The following KANSL1 variants were observed in gnomAD, a reference collection of about 807,000 sequenced individuals.
KANSL1 encodes MLL1/MLL complex subunit KANSL1.
A neutral mutation model predicts 103.6 loss-of-function variants in KANSL1; 22 were observed. That is an observed-to-expected ratio of 0.21 (90% CI 0.15 to 0.30). The LOEUF (loss-of-function observed/expected upper bound fraction) is 0.30, where lower values mean the gene tolerates loss of function less well. Among genes scored for constraint, KANSL1 ranks in the 10% least tolerant of loss-of-function variants. The probability of loss-of-function intolerance (pLI) is 1.00; values close to 1 mark genes in which losing one functional copy is unlikely to be tolerated. For synonymous variants in KANSL1, 600 were observed against 527.6 expected, an observed-to-expected ratio of 1.14 and a Z score of -1.88; for missense variants, 1,337 against 1,399.8, an observed-to-expected ratio of 0.96 and a Z score of 0.72.
At chr17:46,051,498 T>C (rs769121152) in intron 6 of KANSL1, among the ~76,000 whole-genome samples, 4 of 152,204 alleles carry the variant, frequency 2.6e-5, no homozygotes, top group Non-Finnish European at 2.9e-5. Flanking sequence ...CTTCAAAAGA[T>C]TGAATTCTGT....
chr17:46,164,247 A>AG (rs2147654551), intron 2 of KANSL1, among the ~76,000 whole-genome samples: 1 of 152,392 alleles, frequency 6.6e-6, no homozygotes, highest in African/African-American at 2.4e-5. Flanking sequence ...CACTATAGCA[A>AG]CTATATCTAC....
At chr17:46,035,453 AC>A (rs2077120670) in intron 10 of KANSL1, 1 of 152,202 alleles carries the variant, frequency 6.6e-6, no homozygotes. Context: ...AGTTTCAGTC[AC>A]TGTCATTTAT....
intron 2 of KANSL1, among the ~76,000 whole-genome samples, chr17:46,110,568 T>A (rs886806672): frequency 2.6e-5 from 4 of 152,218 alleles, no homozygotes; most frequent in African/African-American, 9.6e-5. Flanking sequence ...TATACAAATT[T>A]ACAAGTATTA....
At chr17:46,170,103 C>CGTG (rs2046204348) in intron 2 of KANSL1, among the ~76,000 whole-genome samples, 1 of 142,266 alleles carries the variant, frequency 7.0e-6, no homozygotes, top group South Asian at 2.1e-4. Context: ...GATCGCACTA[C>CGTG]TGCACTCCTG....
intron 7 of KANSL1, among the ~76,000 whole-genome samples, chr17:46,047,901 C>A (rs1043962112): frequency 7.7e-5 from 11 of 143,152 alleles, no homozygotes; most frequent in African/African-American, 3.0e-4. Context: ...TACATCCCAT[C>A]CCTTCCCCAC....
chr17:46,141,542 C>T (rs1376437429), intron 2 of KANSL1, among the ~76,000 whole-genome samples: 1 of 152,234 alleles, frequency 6.6e-6, no homozygotes, highest in Admixed American at 6.5e-5. Context: ...TCAAAATATT[C>T]CACTGAGCTA....
At chr17:46,200,640 G>A (rs1427970019) in intron 1 of KANSL1, among the ~76,000 whole-genome samples, 1 of 152,156 alleles carries the variant, frequency 6.6e-6, no homozygotes, top group African/African-American at 2.4e-5. Flanking sequence ...TACTCGGGAG[G>A]CTGAGGCAGC....
intron 10 of KANSL1, among the ~76,000 whole-genome samples, chr17:46,036,915 T>C (rs1204338963): frequency 1.3e-5 from 2 of 152,196 alleles, no homozygotes; most frequent in African/African-American, 4.8e-5. Context: ...TTTCACCTTA[T>C]TGGCCAGGAT....
At position 46,067,638 on chromosome 17, in the gene KANSL1, G is replaced by C. The variant is rs886043787; in HGVS notation, c.1563C>G (p.Asn521Lys). 1.9e-6 allele frequency: 3 copies of C among 1,597,928 alleles called. No individual in the cohort carries two copies. The highest frequency in any genetic ancestry group is 1.1e-5 in the South Asian group (1 of 90,742). The change falls in exon 5 of 15, where the codon AAC (asparagine) becomes AAG (lysine). Residue 521 changes from asparagine to lysine, a missense_variant. Asn to Lys is a moderately conservative substitution (Grantham distance 94). Coordinates refer to ENST00000432791, the MANE Select transcript of KANSL1 (RefSeq NM_015443.4). ...TATGACCAATAATAGGGGCACCATG[G>C]TTTTCCAATGGCTGAGAAACAGACT... The part of the protein sequence containing the change: ...LIESVSQPLE[N>K]HGAPIIGHIS...
At chr17:46,196,478 TCAGA>T (rs1469841514), upstream of KANSL1, 1 of 455,514 alleles carries the variant, frequency 2.2e-6, no homozygotes, top group Non-Finnish European at 4.4e-6. Context: ...TCCCTCTTCC[TCAGA>T]CAGTGACACC....
rs373641135 is a variant in KANSL1 at position 46,148,590 on chromosome 17, C to CT, written c.1289+22264dup. 9.5e-3 allele frequency among the ~76,000 whole-genome samples: 1,382 copies of CT among 145,108 alleles called. 16 individuals are homozygous for CT. The highest frequency in any genetic ancestry group is 0.026 in the African/African-American group (1,045 of 39,548). ...CAAATCACCATCCTCCTTCACTTAC[C>CT]TTTTTTTTTTTTTGAGATGGGAGTC... On this transcript the variant is annotated intron_variant, in intron 2 of 14. Coordinates refer to ENST00000432791, the MANE Select transcript of KANSL1 (RefSeq NM_015443.4).
chr17:46,137,929 G>T (rs1295183064), intron 2 of KANSL1, among the ~76,000 whole-genome samples: 1 of 151,730 alleles, frequency 6.6e-6, no homozygotes, highest in East Asian at 1.9e-4. Context: ...GAAAAATTCA[G>T]ATGAAAAGGT....
chr17:46,076,239 A>C lies in KANSL1; in HGVS notation c.1533+6202T>G, dbSNP rs553507407. Among the ~76,000 whole-genome samples the C allele has an allele frequency of 2.6e-5, 4 of 152,370 alleles. No individual in the cohort carries two copies. In the South Asian group the frequency reaches 8.3e-4, roughly 32 times the overall value. On this transcript the variant is annotated intron_variant, in intron 4 of 14. Transcript: ENST00000432791. ...GCCAGGTGCAGTGGCTCACGCCTGT[A>C]ATCCCAGCACTTTGGGAGGCCGAGG... is the stretch of plus-strand genomic sequence containing the variant.
intron 7 of KANSL1, among the ~76,000 whole-genome samples, chr17:46,047,815 A>C (rs941380849): frequency 2.2e-5 from 3 of 136,178 alleles, no homozygotes; most frequent in African/African-American, 5.0e-5. Flanking sequence ...AAAAAAAAAA[A>C]AAACAAAAAA....
rs66515942 is a variant in KANSL1, at chr17:46,049,919, C to CT, written c.2020+613dup. ...TATATCATGGCACGCACAGACAAAA[C>CT]TTTTTTTTTTTTTTGAGACAGAGTC... On this transcript the variant is annotated intron_variant, in intron 7 of 14. Transcript: ENST00000432791. 385 of 146,248 alleles carry CT rather than the reference C, an allele frequency of 2.6e-3. 4 individuals carry two copies. Among genetic ancestry groups the CT allele is most frequent in the South Asian group, 0.015 (69 of 4,554 alleles). The allele number at this position is 146,248 out of a possible 1,614,324, so 9.1% of individuals were successfully genotyped here.
chr17:46,105,948 C>CACACACACACACACACACA (rs373189477), intron 2 of KANSL1, among the ~76,000 whole-genome samples: 3 of 38,984 alleles, frequency 7.7e-5, no homozygotes, highest in African/African-American at 2.5e-4. Context: ...CACACACACA[C>CACACACACACACACACACA]CCCCCCAGAA....
At chr17:46,038,037 C>T (rs1356339428) in intron 10 of KANSL1, 1 of 154,300 alleles carries the variant, frequency 6.5e-6, no homozygotes, top group Non-Finnish European at 1.4e-5. Flanking sequence ...TCTCCCTTCC[C>T]TTCTCTTCTG....
intron 6 of KANSL1, among the ~76,000 whole-genome samples, chr17:46,058,741 ACACTCTCTCTCTCTCTCTCTCTCTCTCT>A (rs1256483577): frequency 4.2e-3 from 312 of 73,588 alleles, no homozygotes; most frequent in Non-Finnish European, 6.8e-3. Flanking sequence ...ACACACACAC[ACACTCTCTCTCTCTCTCTCTCTCTCTCT>A]CTCTCTCTCT....
At chr17:46,214,961 C>G (rs1597985126) in intron 1 of KANSL1, 1 of 152,372 alleles carries the variant, frequency 6.6e-6, no homozygotes, top group South Asian at 2.1e-4. Context: ...GCTTCTTGGT[C>G]ATTTGTATTT....
Sources: gnomAD v4.1 joint callset for allele counts (sites outside exome capture counted in the v4.1 genomes callset) on GRCh38, gnomAD v4.1.1 for gene constraint, MANE v1.5 for transcripts, NCBI Gene and HGNC (gene_info 2026-07-23, HGNC 2026-07-21) for gene names.